RGS6: variants seen among roughly 807,000 people sequenced by gnomAD.
The protein encoded by RGS6 is regulator of G protein signaling 6, also known as regulator of G-protein signaling 6.
RGS6 carries 30 observed loss-of-function variants against 78.5 expected under a neutral mutation model. The observed-to-expected ratio is 0.38, with a 90% CI of 0.29 to 0.52. RGS6 has a LOEUF of 0.52. RGS6 is among the 20% of genes least tolerant of loss of function. The probability of loss-of-function intolerance (pLI) is 0.85; values close to 1 mark genes in which losing one functional copy is unlikely to be tolerated. For missense variants in RGS6, 495 were observed against 609.7 expected, an observed-to-expected ratio of 0.81 and a Z score of 1.98; for synonymous variants, 206 against 206.0, an observed-to-expected ratio of 1.00 and a Z score of 0.00.
intron 7 of RGS6, among the ~76,000 whole-genome samples, chr14:72,467,443 C>G (rs2095948633): frequency 1.3e-5 from 2 of 152,168 alleles, no homozygotes; most frequent in Admixed American, 6.5e-5. Flanking sequence ...AGGCCCCACT[C>G]TGCCAGGCCT....
intron 2 of RGS6, among the ~76,000 whole-genome samples, chr14:72,173,860 C>A (rs1210713669): frequency 6.6e-6 from 1 of 152,208 alleles, no homozygotes; most frequent in Non-Finnish European, 1.5e-5. Flanking sequence ...GATAATTGAT[C>A]CTCAGCTGCC....
intron 2 of RGS6, among the ~76,000 whole-genome samples, chr14:72,059,311 G>C (rs2093774309): frequency 6.6e-6 from 1 of 152,160 alleles, no homozygotes; most frequent in African/African-American, 2.4e-5. Flanking sequence ...GTGTATATCT[G>C]CTCCATCACT....
intron 13 of RGS6, among the ~76,000 whole-genome samples, chr14:72,504,827 C>T (rs1418277379): frequency 5.3e-5 from 8 of 151,268 alleles, no homozygotes. Flanking sequence ...GATCTCAGCT[C>T]ACTGCAACCT....
intron 17 of RGS6, among the ~76,000 whole-genome samples, chr14:72,547,871 A>T (rs1167248308): frequency 6.6e-6 from 1 of 151,850 alleles, no homozygotes; most frequent in East Asian, 1.9e-4. Flanking sequence ...TTCTCTCCAC[A>T]CCCCCCGTGG....
rs538393604 is a variant in RGS6 at position 71,983,761 on chromosome 14, A to G, written c.84+18886A>G. Among the ~76,000 whole-genome samples the G allele has an allele frequency of 7.9e-5, 12 of 152,348 alleles. No homozygotes were observed. The South Asian group carries it at 2.3e-3, about 29-fold the overall frequency. ...ATTGATTGTGACCTCATCTTAATGAATTACATCTCAAAGACCCTAATTTCC... is the reference window on the plus strand; with the variant it reads ...ATTGATTGTGACCTCATCTTAATGAGTTACATCTCAAAGACCCTAATTTCC... On this transcript the variant is annotated intron_variant, in intron 2 of 17. Transcript: ENST00000553525.
chr14:72,625,371 T>G, the RGS6 span, among the ~76,000 whole-genome samples: 8 of 152,240 alleles, frequency 5.3e-5, no homozygotes, highest in Admixed American at 4.6e-4. Flanking sequence ...CTAGATTTGG[T>G]CATTACGGGT....
At chr14:72,234,134 C>T (rs893434647) in intron 2 of RGS6, among the ~76,000 whole-genome samples, 2 of 152,010 alleles carry the variant, frequency 1.3e-5, no homozygotes, top group African/African-American at 4.8e-5. Context: ...CCGATAAGCA[C>T]TTTGCGTACA....
At chr14:72,301,100 A>T (rs2065953222) in intron 2 of RGS6, among the ~76,000 whole-genome samples, 1 of 152,188 alleles carries the variant, frequency 6.6e-6, no homozygotes, top group African/African-American at 2.4e-5. Flanking sequence ...CTTGTGTGAA[A>T]ACAAGGTAGG....
rs552219642 is a variant in RGS6 at position 72,535,640 on chromosome 14, C to A, written c.1279-546C>A. Among the ~76,000 whole-genome samples, 7 of 152,268 alleles carry A rather than the reference C, an allele frequency of 4.6e-5. No homozygotes were observed. In the East Asian group the frequency reaches 1.4e-3, roughly 29 times the overall value. ...TGTTAAGATGTGTCAAAATACAGAA[C>A]CATTCTGTCACCACAAAGATCCTTC... On this transcript the variant is annotated intron_variant, in intron 15 of 17. Coordinates refer to ENST00000553525, the MANE Select transcript of RGS6 (RefSeq NM_001204424.2).
chr14:72,489,491 G>T (rs1336218581), intron 12 of RGS6, among the ~76,000 whole-genome samples: 1 of 152,180 alleles, frequency 6.6e-6, no homozygotes, highest in Non-Finnish European at 1.5e-5. Flanking sequence ...CCTCCTTTGG[G>T]AAGAGTCTTT....
chr14:71,934,173 TGAGA>T (rs1215296886), intron 1 of RGS6, among the ~76,000 whole-genome samples: 3 of 152,194 alleles, frequency 2.0e-5, no homozygotes, highest in African/African-American at 4.8e-5. Context: ...GTGAGACTCT[TGAGA>T]GAGAAACCTT....
chr14:72,165,625 A>T (rs2096914468), intron 2 of RGS6, among the ~76,000 whole-genome samples: 1 of 152,208 alleles, frequency 6.6e-6, no homozygotes, highest in Non-Finnish European at 1.5e-5. Context: ...CTTTCCACCC[A>T]AGCAAAATGT....
chr14:72,189,088 C>A lies in RGS6; in HGVS notation c.85-163007C>A, dbSNP rs141740573. Among the ~76,000 whole-genome samples, 280 of 152,272 alleles carry A rather than the reference C, an allele frequency of 1.8e-3. 1 individual carries two copies. Among genetic ancestry groups the A allele is most frequent in the African/African-American group, 6.5e-3 (269 of 41,548 alleles). Reference sequence around the variant, plus strand: ...AGGCTCAGATAGTAAATGTGTTAGACCTTGTGGGCCATATGATCTCCATTG... The same window carrying A: ...AGGCTCAGATAGTAAATGTGTTAGAACTTGTGGGCCATATGATCTCCATTG... On this transcript the variant is annotated intron_variant, in intron 2 of 17. Transcript: ENST00000553525.
Position 72,303,648 on chromosome 14 carries a change from A to G in RGS6, c.85-48447A>G, listed in dbSNP as rs561993172. 9.2e-5 allele frequency among the ~76,000 whole-genome samples: 14 copies of G among 152,324 alleles called. No individual in the cohort carries two copies. The South Asian group carries it at 2.7e-3, about 29-fold the overall frequency. Reference sequence around the variant, plus strand: ...TGGTTATATGTACATGATACAAAACATTTCACAGCAGAAATGGACTCTTTT... The same window carrying G: ...TGGTTATATGTACATGATACAAAACGTTTCACAGCAGAAATGGACTCTTTT... On this transcript the variant is annotated intron_variant, in intron 2 of 17. Transcript: ENST00000553525.
At chr14:72,093,576 A>C (rs563346068) in intron 2 of RGS6, among the ~76,000 whole-genome samples, 1 of 152,338 alleles carries the variant, frequency 6.6e-6, no homozygotes, top group Admixed American at 6.5e-5. Context: ...TATAAGTATT[A>C]TAAGCATTGC....
At position 72,051,422 on chromosome 14, in the gene RGS6, G is replaced by A. The variant is rs535578449; in HGVS notation, c.84+86547G>A. On this transcript the variant is annotated intron_variant, in intron 2 of 17. Coordinates refer to ENST00000553525, the MANE Select transcript of RGS6 (RefSeq NM_001204424.2). ...TCTTTACGTATGGAAAATTAGCGCC[G>A]AAATTGGTAAAGGAAAAACTGTTAG... Among the ~76,000 whole-genome samples, 131 of 151,976 alleles carry A rather than the reference G, an allele frequency of 8.6e-4. 3 individuals carry two copies. The highest frequency in any genetic ancestry group is 4.2e-3 in the South Asian group (20 of 4,764).
rs1404706558 is a variant in RGS6, at chr14:72,507,794, G to A, written c.966-2360G>A. 2.6e-5 allele frequency among the ~76,000 whole-genome samples: 4 copies of A among 152,196 alleles called. No homozygotes were observed. In the South Asian group the frequency reaches 8.3e-4, roughly 32 times the overall value. On this transcript the variant is annotated intron_variant, in intron 13 of 17. Coordinates refer to ENST00000553525, the MANE Select transcript of RGS6 (RefSeq NM_001204424.2). ...TGGGCACAGCCCTCATTCGAGTACA[G>A]CTGCCACTAGTACCATCCCTGGAGA...
intron 2 of RGS6, among the ~76,000 whole-genome samples, chr14:72,317,539 G>A (rs1217336523): frequency 6.6e-6 from 1 of 152,112 alleles, no homozygotes; most frequent in Non-Finnish European, 1.5e-5. Context: ...CTAGCCAAGT[G>A]CTTCCTGACA....
At chr14:72,411,659 A>G (rs1025517156) in intron 3 of RGS6, among the ~76,000 whole-genome samples, 6 of 152,110 alleles carry the variant, frequency 3.9e-5, no homozygotes, top group Non-Finnish European at 8.8e-5. Context: ...TTCAAAGGTA[A>G]TGCTTCCAGT....
Sources: gnomAD v4.1 joint callset for allele counts (sites outside exome capture counted in the v4.1 genomes callset) on GRCh38, gnomAD v4.1.1 for gene constraint, MANE v1.5 for transcripts, NCBI Gene and HGNC (gene_info 2026-07-23, HGNC 2026-07-21) for gene names.